PLPPR1: variants seen among roughly 807,000 people sequenced by gnomAD.
PLPPR1 encodes the protein phospholipid phosphatase-related protein type 1.
PLPPR1 carries 10 observed loss-of-function variants against 33.1 expected under a neutral mutation model. The ratio of observed to expected loss-of-function variants is 0.30; its 90% CI spans 0.19 to 0.51. The LOEUF (loss-of-function observed/expected upper bound fraction) is 0.51, where lower values mean the gene tolerates loss of function less well. Among genes scored for constraint, PLPPR1 ranks in the 20% least tolerant of loss-of-function variants. The pLI is 0.97. For synonymous variants in PLPPR1, 151 were observed against 151.0 expected (o/e 1.00, Z 0.00); for missense variants, 304 against 408.1 (o/e 0.74, Z 2.20).
At chr9:101,264,865 C>T (rs1409953780) in intron 2 of PLPPR1, among the ~76,000 whole-genome samples, 1 of 152,156 alleles carries the variant, frequency 6.6e-6, no homozygotes, top group African/African-American at 2.4e-5. Context: ...GATTGTTGAT[C>T]ACCTAGCACT....
At chr9:101,293,973 CAG>C (rs1172359129) in intron 4 of PLPPR1, among the ~76,000 whole-genome samples, 14 of 151,926 alleles carry the variant, frequency 9.2e-5, no homozygotes, top group African/African-American at 3.1e-4. Context: ...CTGAAGGAAA[CAG>C]AGACACAAAA....
chr9:101,171,467 C>T (rs1464923371), intron 1 of PLPPR1, among the ~76,000 whole-genome samples: 6 of 152,026 alleles, frequency 3.9e-5, no homozygotes, highest in East Asian at 1.9e-4. Context: ...CTGCTTTAGT[C>T]GGGGATAGCT....
chr9:101,218,034 A>G (rs1272632221), intron 2 of PLPPR1, among the ~76,000 whole-genome samples: 3 of 152,208 alleles, frequency 2.0e-5, no homozygotes, highest in Non-Finnish European at 1.5e-5. Context: ...AATCAAAATT[A>G]GAAAATGCTA....
At chr9:101,290,950 GCGC>G (rs1813658146) in intron 4 of PLPPR1, among the ~76,000 whole-genome samples, 1 of 152,218 alleles carries the variant, frequency 6.6e-6, no homozygotes, top group South Asian at 2.1e-4. Context: ...AGTGGGTGCA[GCGC>G]ACCAAGCGCG....
intron 7 of PLPPR1, among the ~76,000 whole-genome samples, chr9:101,318,495 AGCGT>A (rs1829096091): frequency 6.6e-6 from 1 of 150,932 alleles, no homozygotes. Context: ...AGACAGGCCG[AGCGT>A]GGTGGCTCAC....
chr9:101,273,954 T>C (rs1416086417), intron 3 of PLPPR1, among the ~76,000 whole-genome samples: 4 of 152,150 alleles, frequency 2.6e-5, no homozygotes, highest in African/African-American at 9.7e-5. Flanking sequence ...AAGTGATAGG[T>C]CTTCTTTATT....
chr9:101,320,752 T>A (rs1829136919), intron 7 of PLPPR1, among the ~76,000 whole-genome samples: 1 of 152,178 alleles, frequency 6.6e-6, no homozygotes, highest in Admixed American at 6.5e-5. Context: ...TTATTGAGAG[T>A]CACCTCATTT....
rs146051010 is a variant in PLPPR1 at position 101,033,054 on chromosome 9, A to T, written c.-46+3952A>T. On this transcript the variant is annotated intron_variant, in intron 1 of 7. Coordinates refer to ENST00000374874, the MANE Select transcript of PLPPR1 (RefSeq NM_207299.2). ...GAGTTCATAAGGATCTCACTTAAAGAGCTCATTGCATCTTGGCATCCTGGA... is the reference window on the plus strand; with the variant it reads ...GAGTTCATAAGGATCTCACTTAAAGTGCTCATTGCATCTTGGCATCCTGGA... Among the ~76,000 whole-genome samples the T allele has an allele frequency of 1.5e-3, 229 of 152,282 alleles. 2 individuals are homozygous for T. Among genetic ancestry groups the T allele is most frequent in the African/African-American group, 5.1e-3 (210 of 41,558 alleles).
intron 1 of PLPPR1, among the ~76,000 whole-genome samples, chr9:101,134,985 G>A (rs556853229): frequency 6.6e-6 from 1 of 152,116 alleles, no homozygotes; most frequent in Non-Finnish European, 1.5e-5. Flanking sequence ...CCATTTTGCA[G>A]ATGAGGTGAT....
At chr9:101,161,950 T>C (rs529931014) in intron 1 of PLPPR1, among the ~76,000 whole-genome samples, 24 of 151,972 alleles carry the variant, frequency 1.6e-4, no homozygotes, top group Non-Finnish European at 2.9e-4. Context: ...TAGGTAAGCA[T>C]TGTATAGGAT....
In PLPPR1 at chr9:101,150,731, G is replaced by A. The variant is rs556684485; in HGVS notation, c.-45-34719G>A. On this transcript the variant is annotated intron_variant, in intron 1 of 7. Coordinates refer to ENST00000374874, the MANE Select transcript of PLPPR1 (RefSeq NM_207299.2). ...GTCTCTATCAACTAGGTGGTTATGC[G>A]GTGGATCATAGGAAGAGCCACTCGG... 7.2e-5 allele frequency among the ~76,000 whole-genome samples: 11 copies of A among 152,226 alleles called. No homozygotes were observed. The East Asian group carries it at 9.6e-4, about 13-fold the overall frequency.
chr9:101,242,039 T>C (rs1475179675), intron 2 of PLPPR1, among the ~76,000 whole-genome samples: 1 of 152,092 alleles, frequency 6.6e-6, no homozygotes, highest in Non-Finnish European at 1.5e-5. Context: ...CTAAGTTATC[T>C]ACCAGGGAAT....
chr9:101,061,578 T>C (rs1361343), intron 1 of PLPPR1, among the ~76,000 whole-genome samples: 103,946 of 151,744 alleles, frequency 0.69, 35,981 homozygotes, highest in East Asian at 0.88. Context: ...TGGCAAAAAG[T>C]GCAATTACAT....
intron 1 of PLPPR1, among the ~76,000 whole-genome samples, chr9:101,054,081 G>A (rs1277783927): frequency 6.6e-6 from 1 of 152,122 alleles, no homozygotes; most frequent in Admixed American, 6.5e-5. Context: ...CTACTCAGGA[G>A]GCTGAGTCAG....
intron 1 of PLPPR1, among the ~76,000 whole-genome samples, chr9:101,109,652 C>T (rs1265106889): frequency 1.3e-5 from 2 of 152,130 alleles, no homozygotes; most frequent in Non-Finnish European, 2.9e-5. Flanking sequence ...GCACAAAGCA[C>T]TTAATGTTGA....
chr9:101,130,860 A>G (rs1831306099), intron 1 of PLPPR1, among the ~76,000 whole-genome samples: 1 of 152,176 alleles, frequency 6.6e-6, no homozygotes, highest in African/African-American at 2.4e-5. Context: ...TACTTGAAAA[A>G]GTATGTGTTT....
Position 101,200,210 on chromosome 9 carries a change from A to T in PLPPR1, c.63+14653A>T, listed in dbSNP as rs141583307. ...AAATAATCCAGCTTCCTCATTCCTCAGTGGGACAATTCACAGGAGTTTGAT... is the reference window on the plus strand; with the variant it reads ...AAATAATCCAGCTTCCTCATTCCTCTGTGGGACAATTCACAGGAGTTTGAT... On this transcript the variant is annotated intron_variant, in intron 2 of 7. Transcript: ENST00000374874. Among the ~76,000 whole-genome samples the T allele has an allele frequency of 1.1e-4, 17 of 152,318 alleles. No homozygotes were observed. The East Asian group carries it at 3.1e-3, about 28-fold the overall frequency.
At chr9:101,202,361 A>T (rs1826510255) in intron 2 of PLPPR1, among the ~76,000 whole-genome samples, 1 of 152,160 alleles carries the variant, frequency 6.6e-6, no homozygotes, top group South Asian at 2.1e-4. Flanking sequence ...TACATCCCTT[A>T]TCCTCCAAAA....
At chr9:101,042,390 G>A (rs1830086999) in intron 1 of PLPPR1, among the ~76,000 whole-genome samples, 1 of 152,076 alleles carries the variant, frequency 6.6e-6, no homozygotes, top group Non-Finnish European at 1.5e-5. Flanking sequence ...TTTTCCTCTT[G>A]TTCATTCAGA....
Sources: gnomAD v4.1 joint callset for allele counts (sites outside exome capture counted in the v4.1 genomes callset) on GRCh38, gnomAD v4.1.1 for gene constraint, MANE v1.5 for transcripts, NCBI Gene and HGNC (gene_info 2026-07-23, HGNC 2026-07-21) for gene names.